Variants in HPN observed in about 807,000 individuals in gnomAD.
HPN encodes the protein hepsin.
A neutral mutation model predicts 55.9 loss-of-function variants in HPN; 13 were observed. The observed-to-expected ratio is 0.23, with a 90% confidence interval of 0.15 to 0.37. HPN has a LOEUF of 0.37. HPN is among the 10% of genes least tolerant of loss of function. HPN has a pLI of 1.00. For synonymous variants in HPN, 225 were observed against 240.3 expected, an observed-to-expected ratio of 0.94 and a Z score of 0.59; for missense variants, 451 against 575.8, an observed-to-expected ratio of 0.78 and a Z score of 2.22.
Position 35,065,957 on chromosome 19 carries a change from C to T in HPN, c.1140C>T (p.Gly380=), listed in dbSNP as rs752794532. 13 of 1,613,706 alleles carry T rather than the reference C, an allele frequency of 8.1e-6. No individual in the cohort carries two copies. In the African/African-American group the frequency reaches 1.5e-4, roughly 18 times the overall value. Residue 380 remains glycine (G), a synonymous_variant, in exon 12 of 13, where the codon GGC becomes GGT. Coordinates refer to ENST00000672452, the MANE Select transcript of HPN (RefSeq NM_001384133.1). ...GTGGCATTGTGAGTTGGGGCACTGG[C>T]TGTGCCCTGGCCCAGAAGCCAGGCG... ...RLCGIVSWGT[G]CALAQKPGVY...
chr19:35,059,822 G>A lies in HPN; in HGVS notation c.290+20G>A. The A allele has an allele frequency of 6.5e-7, 1 of 1,543,298 alleles. No homozygotes were observed. Among genetic ancestry groups the A allele is most frequent in the Non-Finnish European group, 8.7e-7 (1 of 1,143,044 alleles). On this transcript the variant is annotated intron_variant, in intron 5 of 12. Transcript: ENST00000672452. ...CCTCAGGTACTGGGGGCCCTCGGAG[G>A]GGTGGGAGCCGGGAGGGGCTGGGGA...
At chr19:35,066,115 A>G in intron 12 of HPN, 83 bp downstream of exon 12, 1 of 1,612,348 alleles carries the variant, frequency 6.2e-7, no homozygotes. Flanking sequence ...TTGTTTTAGG[A>G]AACCTACGCT....
chr19:35,042,731 T>A (rs2064306663), intron 2 of HPN, among the ~76,000 whole-genome samples: 1 of 152,130 alleles, frequency 6.6e-6, no homozygotes, highest in Admixed American at 6.5e-5. Flanking sequence ...TTCTACCCTA[T>A]GTGACCTTCC....
chr19:35,065,712 T>G, intron 11 of HPN, 31 bp downstream of exon 11: 1 of 1,612,824 alleles, frequency 6.2e-7, no homozygotes, highest in South Asian at 1.1e-5. Flanking sequence ...AGCCCCCTGG[T>G]CGCTGCCACC....
chr19:35,042,614 T>A, intron 2 of HPN, 92 bp downstream of exon 2: 1 of 1,087,164 alleles, frequency 9.2e-7, no homozygotes. Flanking sequence ...CGGAGCCCCC[T>A]CTCTCTGGGC....
chr19:35,050,171 A>G (rs1157026216), intron 4 of HPN, among the ~76,000 whole-genome samples: 1 of 152,134 alleles, frequency 6.6e-6, no homozygotes, highest in Non-Finnish European at 1.5e-5. Flanking sequence ...CACCCAGGCT[A>G]GAGTGCAATG....
chr19:35,058,287 C>T (rs1030239424), intron 4 of HPN, among the ~76,000 whole-genome samples: 1 of 149,860 alleles, frequency 6.7e-6, no homozygotes, highest in African/African-American at 2.4e-5. Flanking sequence ...TCAAGCAATT[C>T]TCCTGCCTCA....
intron 9 of HPN, among the ~76,000 whole-genome samples, chr19:35,062,061 A>G (rs1351828125): frequency 1.7e-4 from 1 of 6,014 alleles, no homozygotes; most frequent in Non-Finnish European, 2.8e-3. Flanking sequence ...TTGTCTGTTA[A>G]AAAAAGAAGA....
At chr19:35,063,744 A>G (rs1054979805) in intron 9 of HPN, among the ~76,000 whole-genome samples, 1 of 152,228 alleles carries the variant, frequency 6.6e-6, no homozygotes, top group Non-Finnish European at 1.5e-5. Context: ...ACAGGTGGAC[A>G]GGTGGAAGCG....
chr19:35,052,638 T>C (rs2064416513), intron 4 of HPN, among the ~76,000 whole-genome samples: 1 of 152,128 alleles, frequency 6.6e-6, no homozygotes, highest in Admixed American at 6.5e-5. Flanking sequence ...TTGAAATTTC[T>C]TGAGCAAGAT....
chr19:35,058,104 G>T (rs1281279215), intron 4 of HPN, among the ~76,000 whole-genome samples: 2 of 151,800 alleles, frequency 1.3e-5, no homozygotes, highest in East Asian at 1.9e-4. Context: ...AGTGAGCTGA[G>T]ATTGCACCAC....
At chr19:35,046,337 C>T (rs1435828598) in intron 2 of HPN, among the ~76,000 whole-genome samples, 5 of 152,026 alleles carry the variant, frequency 3.3e-5, no homozygotes, top group African/African-American at 7.2e-5. Flanking sequence ...CTCCACCTCC[C>T]GGGTTCAAGC....
In HPN at chr19:35,060,675, C is replaced by T; in HGVS notation, c.669C>T (p.Ala223=). 2 of 1,614,174 alleles carry T rather than the reference C, an allele frequency of 1.2e-6. No individual in the cohort carries two copies. Among genetic ancestry groups the T allele is most frequent in the Non-Finnish European group, 1.7e-6 (2 of 1,180,038 alleles). Residue 223 remains alanine, a synonymous_variant, in exon 9 of 13, where the codon GCC becomes GCT. Coordinates refer to ENST00000672452, the MANE Select transcript of HPN (RefSeq NM_001384133.1). ...SRWRVFAGAV[A]QASPHGLQLG... is the part of the protein sequence containing the mutation. ...GGCGAGTGTTTGCCGGTGCCGTGGC[C>T]CAGGCCTCTCCCCACGGTCTGCAGC...
chr19:35,047,474 C>A (rs1030725315), intron 2 of HPN, among the ~76,000 whole-genome samples: 2 of 152,210 alleles, frequency 1.3e-5, no homozygotes, highest in African/African-American at 4.8e-5. Context: ...CCAGCCTGCA[C>A]GGTTTTCTTC....
chr19:35,042,105 C>T, intron 1 of HPN: 1 of 1,108,456 alleles, frequency 9.0e-7, no homozygotes, highest in Non-Finnish European at 1.1e-6. Context: ...CCCTCAGGCC[C>T]CTCCTCCCTC....
intron 8 of HPN, 23 bp downstream of exon 8, chr19:35,060,535 G>A (rs778471224): frequency 2.5e-5 from 40 of 1,611,812 alleles, no homozygotes; most frequent in Non-Finnish European, 3.3e-5. Flanking sequence ...CAATGGCGCT[G>A]ATGATGGGGA....
rs144493429 is a variant in HPN, at chr19:35,060,657, G to A, written c.651G>A (p.Val217=). 22 of 1,614,004 alleles carry A rather than the reference G, an allele frequency of 1.4e-5. No homozygotes were observed. Among genetic ancestry groups the A allele is most frequent in the African/African-American group, 2.7e-5 (2 of 74,956 alleles). The change falls in exon 9 of 13, where the codon GTG becomes GTA. Residue 217 remains valine, a synonymous_variant. Transcript: ENST00000672452. ...ERNRVLSRWR[V]FAGAVAQASP... ...ACCGGGTCCTGTCCCGATGGCGAGT[G>A]TTTGCCGGTGCCGTGGCCCAGGCCT...
At chr19:35,051,911 C>T (rs1273785559) in intron 4 of HPN, among the ~76,000 whole-genome samples, 1 of 152,154 alleles carries the variant, frequency 6.6e-6, no homozygotes, top group Non-Finnish European at 1.5e-5. Flanking sequence ...AAAGCCCCTC[C>T]GTGACAACAC....
rs887436887 is a variant in HPN, at chr19:35,066,382, C to A, written c.*95C>A. The A allele has an allele frequency of 1.3e-6, 2 of 1,499,350 alleles. No individual in the cohort carries two copies. The highest frequency in any genetic ancestry group is 2.5e-5 in the East Asian group (1 of 40,520). The allele number at this position is 1,499,350 out of a possible 1,614,324, so 92.9% of individuals were successfully genotyped here. On this transcript the variant is annotated 3_prime_UTR_variant, in exon 13 of 13. Coordinates refer to ENST00000672452, the MANE Select transcript of HPN (RefSeq NM_001384133.1). ...AGGATGGGACGTTTTTCTTCTTGGG[C>A]CCGGTCCACAGGTCCAAGGACACCC...
Sources: gnomAD v4.1 joint callset for allele counts (sites outside exome capture counted in the v4.1 genomes callset) on GRCh38, gnomAD v4.1.1 for gene constraint, MANE v1.5 for transcripts, NCBI Gene and HGNC (gene_info 2026-07-23, HGNC 2026-07-21) for gene names.